ZNF704: variants seen among roughly 807,000 people sequenced by gnomAD.
The protein encoded by ZNF704 is zinc finger protein 704, also known as glucocorticoid induced gene 1.
In ZNF704, 10 loss-of-function variants were observed where a neutral mutation model predicts 44.7. The ratio of observed to expected loss-of-function variants is 0.22; its 90% CI spans 0.14 to 0.38. The LOEUF (loss-of-function observed/expected upper bound fraction) is 0.38. Ranked by LOEUF, ZNF704 falls within the 10% of genes least tolerant of loss-of-function variation. The pLI is 1.00. For missense variants in ZNF704, 390 were observed against 545.5 expected, an observed-to-expected ratio of 0.71 and a Z score of 2.84; for synonymous variants, 211 against 207.6, an observed-to-expected ratio of 1.02 and a Z score of -0.14.
chr8:80,665,882 T>C (rs1818182686), intron 5 of ZNF704, among the ~76,000 whole-genome samples: 1 of 151,944 alleles, frequency 6.6e-6, no homozygotes, highest in Admixed American at 6.6e-5. Flanking sequence ...CCATACTTCC[T>C]GCACAGCCTG....
At chr8:80,881,885 G>A in the ZNF704 span, among the ~76,000 whole-genome samples, 1 of 152,120 alleles carries the variant, frequency 6.6e-6, no homozygotes, top group Admixed American at 6.6e-5. Context: ...CTGAGATAGC[G>A]CCAGTGCAGT....
At chr8:80,877,772 C>T (rs925382633), upstream of ZNF704, among the ~76,000 whole-genome samples, 3 of 152,114 alleles carry the variant, frequency 2.0e-5, no homozygotes, top group Non-Finnish European at 4.4e-5. Context: ...AAATAACCCT[C>T]CCTCGGGGAG....
intron 3 of ZNF704, among the ~76,000 whole-genome samples, chr8:80,690,267 C>A (rs1470156603): frequency 6.6e-6 from 1 of 152,036 alleles, no homozygotes; most frequent in Non-Finnish European, 1.5e-5. Flanking sequence ...TTAATTCTGA[C>A]CTTTAAGTAC....
At chr8:80,878,253 AAAG>A (rs1809384068), upstream of ZNF704, among the ~76,000 whole-genome samples, 2 of 140,050 alleles carry the variant, frequency 1.4e-5, no homozygotes. Context: ...AAAGAGAAAG[AAAG>A]GAAGGAAGGA....
intron 1 of ZNF704, among the ~76,000 whole-genome samples, chr8:80,850,776 C>T (rs1346596145): frequency 1.3e-5 from 2 of 152,270 alleles, no homozygotes; most frequent in East Asian, 1.9e-4. Flanking sequence ...ACTCATAAGG[C>T]TATACTGCAA....
At chr8:80,646,457 C>T (rs1219271672) in intron 7 of ZNF704, among the ~76,000 whole-genome samples, 3 of 139,584 alleles carry the variant, frequency 2.1e-5, no homozygotes, top group Admixed American at 1.5e-4. Context: ...GCCTGGGCAA[C>T]AGAGTGAGAC....
chr8:80,799,352 A>T (rs1384224730), intron 2 of ZNF704, among the ~76,000 whole-genome samples: 1 of 152,222 alleles, frequency 6.6e-6, no homozygotes, highest in African/African-American at 2.4e-5. Flanking sequence ...TTTAATTTTT[A>T]GACCTGAACT....
At chr8:80,841,377 C>G (rs563112001) in intron 1 of ZNF704, among the ~76,000 whole-genome samples, 2 of 152,206 alleles carry the variant, frequency 1.3e-5, no homozygotes, top group Non-Finnish European at 2.9e-5. Context: ...ATCTGCCACA[C>G]CACCATATGT....
At chr8:80,879,111 T>G (rs1273828860), upstream of ZNF704, among the ~76,000 whole-genome samples, 1 of 152,202 alleles carries the variant, frequency 6.6e-6, no homozygotes, top group African/African-American at 2.4e-5. Flanking sequence ...CCCAAGGAGC[T>G]CTCTCATTTT....
At position 80,866,222 on chromosome 8, in the gene ZNF704, T is replaced by C. The variant is rs548407768; in HGVS notation, c.-22+8349A>G. Among the ~76,000 whole-genome samples, 5 of 152,306 alleles carry C rather than the reference T, an allele frequency of 3.3e-5. No individual in the cohort carries two copies. The South Asian group carries it at 8.3e-4, about 25-fold the overall frequency. ...AAATTGTGGTAGCTAAGAAAAGGCT[T>C]TGGGCAGATCTAATCTTGATCTCAT... On this transcript the variant is annotated intron_variant, in intron 1 of 8. Coordinates refer to ENST00000327835, the MANE Select transcript of ZNF704 (RefSeq NM_001033723.3).
chr8:80,765,204 G>A (rs996392028), intron 2 of ZNF704, among the ~76,000 whole-genome samples: 1 of 152,168 alleles, frequency 6.6e-6, no homozygotes, highest in Non-Finnish European at 1.5e-5. Flanking sequence ...CATGACAACA[G>A]GAGAAAAGTC....
chr8:80,652,166 C>T (rs904404833), intron 7 of ZNF704, among the ~76,000 whole-genome samples: 1 of 152,126 alleles, frequency 6.6e-6, no homozygotes, highest in African/African-American at 2.4e-5. Context: ...ACATTCAAAG[C>T]AGTGTGTAGA....
chr8:80,796,932 A>AAGGG (rs1807813223), intron 2 of ZNF704, among the ~76,000 whole-genome samples: 1 of 87,496 alleles, frequency 1.1e-5, no homozygotes, highest in Non-Finnish European at 2.1e-5. Flanking sequence ...AAGGGAAGGG[A>AAGGG]AAAGGAAAAG....
chr8:80,770,164 T>C (rs1029788747), intron 2 of ZNF704, among the ~76,000 whole-genome samples: 1 of 152,190 alleles, frequency 6.6e-6, no homozygotes, highest in Non-Finnish European at 1.5e-5. Context: ...GAATTCAAGA[T>C]GAAATTTCAG....
intron 2 of ZNF704, among the ~76,000 whole-genome samples, chr8:80,719,086 C>T (rs1209746877): frequency 6.6e-6 from 1 of 152,120 alleles, no homozygotes; most frequent in Non-Finnish European, 1.5e-5. Flanking sequence ...CCACCTCAGC[C>T]TCCCTAGTAG....
chr8:80,867,202 G>A (rs958563036), intron 1 of ZNF704, among the ~76,000 whole-genome samples: 8 of 152,100 alleles, frequency 5.3e-5, no homozygotes, highest in Admixed American at 3.9e-4. Flanking sequence ...CACAGGGAGC[G>A]GGGGTTGGCC....
At chr8:80,845,833 C>A (rs766119188) in intron 1 of ZNF704, among the ~76,000 whole-genome samples, 1 of 152,024 alleles carries the variant, frequency 6.6e-6, no homozygotes, top group Non-Finnish European at 1.5e-5. Context: ...TCCTAATTCA[C>A]CACTGTTTAT....
intron 2 of ZNF704, among the ~76,000 whole-genome samples, chr8:80,776,122 A>C (rs939286728): frequency 3.9e-5 from 6 of 152,156 alleles, no homozygotes; most frequent in African/African-American, 1.4e-4. Flanking sequence ...CTAAATATTT[A>C]GCTCACTTGC....
At chr8:80,811,115 C>T (rs1408486984) in intron 2 of ZNF704, among the ~76,000 whole-genome samples, 1 of 152,140 alleles carries the variant, frequency 6.6e-6, no homozygotes, top group African/African-American at 2.4e-5. Context: ...TCAATACAGT[C>T]ATCACTAGCC....
Sources: allele counts gnomAD v4.1 joint callset (sites outside exome capture counted in the v4.1 genomes callset), GRCh38; gene constraint gnomAD v4.1.1; transcripts MANE v1.5; gene names NCBI Gene and HGNC (gene_info 2026-07-23, HGNC 2026-07-21).